PCDHGB1: variants seen among roughly 807,000 people sequenced by gnomAD.
The protein encoded by PCDHGB1 is protocadherin gamma-B1.
A neutral mutation model predicts 56.6 loss-of-function variants in PCDHGB1; 34 were observed. The ratio of observed to expected loss-of-function variants is 0.60; its 90% CI spans 0.46 to 0.80. The LOEUF is 0.80. Ranked by LOEUF, PCDHGB1 falls within the 30% of genes least tolerant of loss-of-function variation. The pLI, the probability that PCDHGB1 is intolerant of heterozygous loss-of-function variation, is 0.00. For missense variants in PCDHGB1, 1,278 were observed against 1,204.6 expected (o/e 1.06, Z -0.90); for synonymous variants, 561 against 505.9 (o/e 1.11, Z -1.46).
At chr5:141,356,792 T>C (rs1319078295) in intron 1 of PCDHGB1, 11 of 1,613,838 alleles carry the variant, frequency 6.8e-6, no homozygotes, top group African/African-American at 4.0e-5. Context: ...CTGCAGCTGC[T>C]GATGACAGCC....
chr5:141,478,882 A>G, intron 1 of PCDHGB1: 1 of 1,200,164 alleles, frequency 8.3e-7, no homozygotes. Context: ...TTAGCTTGGT[A>G]TCATTTACAT....
At position 141,485,293 on chromosome 5, in the gene PCDHGB1, G is replaced by A. The variant is rs1356836741; in HGVS notation, c.2410-9514G>A. On this transcript the variant is annotated intron_variant, in intron 1 of 3. Transcript: ENST00000523390. The surrounding 1 kb of genome is among the most constrained non-coding windows in gnomAD (Gnocchi z 5.7). ...GCTACCCGGTCCCAGAGGAGTCACA[G>A]GAAGGGACTTTTGTAGGGAATGTCG... 1 of 1,614,170 alleles carries A rather than the reference G, an allele frequency of 6.2e-7. No individual in the cohort carries two copies.
chr5:141,456,698 C>T (rs1466672057), intron 1 of PCDHGB1, among the ~76,000 whole-genome samples: 1 of 152,132 alleles, frequency 6.6e-6, no homozygotes, highest in Non-Finnish European at 1.5e-5. Flanking sequence ...GGCGTGGTGG[C>T]TCGCGCCTGT....
At chr5:141,475,217 A>G (rs1053906682) in intron 1 of PCDHGB1, among the ~76,000 whole-genome samples, 4 of 152,196 alleles carry the variant, frequency 2.6e-5, no homozygotes, top group Non-Finnish European at 5.9e-5. Flanking sequence ...AGGATTGATC[A>G]AGTAAAGGGA....
In PCDHGB1 at chr5:141,352,076, C is replaced by A. The variant is rs772864846; in HGVS notation, c.1816C>A (p.Gln606Lys). Residue 606 changes from glutamine (Q) to lysine (K), a missense_variant, in exon 1 of 4, where the codon CAG becomes AAG. Gln to Lys is a moderately conservative substitution (Grantham distance 53). Coordinates refer to ENST00000523390, the MANE Select transcript of PCDHGB1 (RefSeq NM_018922.3). ...CGCTTGGCTGTCCTACCACGTGCTG[C>A]AGGCCAGCGAGCCCGGGCTCTTCAG... ...HNAWLSYHVL[Q>K]ASEPGLFSLG... 2 of 1,604,976 alleles carry A rather than the reference C, an allele frequency of 1.2e-6. No homozygotes were observed. Among genetic ancestry groups the A allele is most frequent in the Non-Finnish European group, 8.5e-7 (1 of 1,176,628 alleles).
chr5:141,367,022 A>G (rs1764910545), intron 1 of PCDHGB1: 1 of 407,704 alleles, frequency 2.5e-6, no homozygotes, highest in African/African-American at 2.1e-5. Flanking sequence ...ATTTTGTTAT[A>G]TTGGAACTGC....
chr5:141,494,676 C>G, intron 1 of PCDHGB1, 131 bp from the exon 2 acceptor site: 1 of 1,550,918 alleles, frequency 6.4e-7, no homozygotes, highest in African/African-American at 1.4e-5. Context: ...GAGTCCACCC[C>G]TGCCCCCTCT....
chr5:141,400,163 A>G, intron 1 of PCDHGB1: 1 of 1,613,830 alleles, frequency 6.2e-7, no homozygotes, highest in Non-Finnish European at 8.5e-7. Flanking sequence ...GTACCCTCTG[A>G]CCCCCAGGCT....
chr5:141,466,115 C>A (rs2099117208), intron 1 of PCDHGB1, among the ~76,000 whole-genome samples: 1 of 151,618 alleles, frequency 6.6e-6, no homozygotes, highest in African/African-American at 2.4e-5. Context: ...GAGTGAGACT[C>A]CAGCTCAAAA....
rs932003988 is a variant in PCDHGB1 at position 141,363,453 on chromosome 5, G to A, written c.2409+10784G>A. Reference sequence around the variant, plus strand: ...ATAGAAAGGTCACTCAGTACTTCTCGACAAGTATCTGCTCATGCTTTCCTG... The same window carrying A: ...ATAGAAAGGTCACTCAGTACTTCTCAACAAGTATCTGCTCATGCTTTCCTG... On this transcript the variant is annotated intron_variant, in intron 1 of 3. Transcript: ENST00000523390. 5.9e-5 allele frequency among the ~76,000 whole-genome samples: 9 copies of A among 152,136 alleles called. No homozygotes were observed. In the South Asian group the frequency reaches 1.2e-3, roughly 21 times the overall value.
intron 1 of PCDHGB1, chr5:141,390,095 T>TC: frequency 6.2e-7 from 1 of 1,613,972 alleles, no homozygotes; most frequent in South Asian, 1.1e-5. Flanking sequence ...AATCCGTGGT[T>TC]CCCCCCAACT....
intron 1 of PCDHGB1, among the ~76,000 whole-genome samples, chr5:141,449,199 A>T (rs927587807): frequency 3.3e-5 from 5 of 152,190 alleles, no homozygotes; most frequent in Admixed American, 2.6e-4. Flanking sequence ...AGAAGTGTTA[A>T]TTCTAACTTT....
At chr5:141,507,443 G>A (rs2099860678) in intron 3 of PCDHGB1, among the ~76,000 whole-genome samples, 2 of 152,200 alleles carry the variant, frequency 1.3e-5, no homozygotes. Flanking sequence ...TACAGCTGAC[G>A]GAAGGACAGA....
rs755576652 is a variant in PCDHGB1 at position 141,410,511 on chromosome 5, G to A, written c.2409+57842G>A. 4.3e-6 allele frequency: 7 copies of A among 1,613,942 alleles called. No individual in the cohort carries two copies. In the Admixed American group the frequency reaches 8.3e-5, roughly 19 times the overall value. On this transcript the variant is annotated intron_variant, in intron 1 of 3. Transcript: ENST00000523390. ...AAAGAGTTTAATTTCCTAAAATGCA[G>A]TGTGCCCCTACATTCCAATGAAGAC... is the stretch of plus-strand genomic sequence containing the variant.
rs750774158 is a variant in PCDHGB1 at position 141,389,140 on chromosome 5, C to A, written c.2409+36471C>A. 3.1e-6 allele frequency: 5 copies of A among 1,613,878 alleles called. No homozygotes were observed. In the Admixed American group the frequency reaches 8.3e-5, roughly 27 times the overall value. On this transcript the variant is annotated intron_variant, in intron 1 of 3. Coordinates refer to ENST00000523390, the MANE Select transcript of PCDHGB1 (RefSeq NM_018922.3). ...GAGCAGAATCCAGAGTACAATATAA[C>A]CGTTACGGCAACAGATCGGGGCAAG...
At chr5:141,427,982 G>A in intron 1 of PCDHGB1, 1 of 1,596,754 alleles carries the variant, frequency 6.3e-7, no homozygotes, top group Non-Finnish European at 8.6e-7. Flanking sequence ...CCGCGCTGGG[G>A]CCCGATGGCT....
At chr5:141,385,961 C>T (rs1446108095) in intron 1 of PCDHGB1, 2 of 152,166 alleles carry the variant, frequency 1.3e-5, no homozygotes, top group African/African-American at 2.4e-5. Context: ...CACTAAAGGC[C>T]ATCGGACAAA....
At chr5:141,473,808 C>G (rs1562041705) in intron 1 of PCDHGB1, among the ~76,000 whole-genome samples, 1 of 152,198 alleles carries the variant, frequency 6.6e-6, no homozygotes, top group Non-Finnish European at 1.5e-5. Flanking sequence ...TACTGAGGAG[C>G]AGCTGGACAA....
chr5:141,453,746 T>C (rs1345046460), intron 1 of PCDHGB1, among the ~76,000 whole-genome samples: 1 of 152,254 alleles, frequency 6.6e-6, no homozygotes, highest in Non-Finnish European at 1.5e-5. Flanking sequence ...TTAAATAACA[T>C]AAGTCTCCTA....
Sources: gnomAD v4.1 joint callset for allele counts (sites outside exome capture counted in the v4.1 genomes callset) on GRCh38, gnomAD v4.1.1 for gene constraint, Gnocchi (gnomAD v3.1) non-coding constraint, MANE v1.5 for transcripts, NCBI Gene and HGNC (gene_info 2026-07-23, HGNC 2026-07-21) for gene names.